The following PRUNE2 variants were observed in gnomAD, a reference collection of about 807,000 sequenced individuals.
The protein encoded by PRUNE2 is prune homolog 2 with BCH domain, also known as protein prune homolog 2.
In PRUNE2, 164 loss-of-function variants were observed where a neutral mutation model predicts 252.0. The ratio of observed to expected loss-of-function variants is 0.65; its 90% CI spans 0.57 to 0.74. The LOEUF (loss-of-function observed/expected upper bound fraction) is 0.74. PRUNE2 is among the 30% of genes least tolerant of loss of function. The pLI is 0.00. For missense variants in PRUNE2, 3,495 were observed against 3,711.0 expected (o/e 0.94, Z 1.51); for synonymous variants, 1,292 against 1,350.2 (o/e 0.96, Z 0.94).
chr9:76,696,791 C>T (rs1588655652), intron 9 of PRUNE2, among the ~76,000 whole-genome samples: 1 of 152,346 alleles, frequency 6.6e-6, no homozygotes, highest in East Asian at 1.9e-4. Flanking sequence ...GGAGTGCCTC[C>T]CGCTGGCCGT....
intron 1 of PRUNE2, among the ~76,000 whole-genome samples, chr9:76,875,258 C>A (rs2061415299): frequency 6.6e-6 from 1 of 152,226 alleles, no homozygotes; most frequent in Non-Finnish European, 1.5e-5. Context: ...ACCCATACCA[C>A]CTTCAATACT....
chr9:76,834,113 C>A (rs2058826796), intron 4 of PRUNE2, among the ~76,000 whole-genome samples: 1 of 151,936 alleles, frequency 6.6e-6, no homozygotes, highest in Non-Finnish European at 1.5e-5. Context: ...AAACCCCTGA[C>A]CTCAGGTGAT....
rs1304562671 is a variant in PRUNE2, at chr9:76,614,600, A to G, written c.9237T>C (p.Asp3079=). ...NDPEMSSMEK[D]IDLKLKEKP ...GCTTTTCTTTCAGCTTCAAGTCAAT[A>G]CTGCAAAGAAAAGAAAAAGAGAGAG... The change falls in exon 19 of 19, where the codon GAT becomes GAC. Residue 3079 remains aspartate, a splice_region_variant and synonymous_variant. Coordinates refer to ENST00000376718, the MANE Select transcript of PRUNE2 (RefSeq NM_015225.3). 1 of 1,610,386 alleles carries G rather than the reference A, an allele frequency of 6.2e-7. No homozygotes were observed. The highest frequency in any genetic ancestry group is 8.5e-7 in the Non-Finnish European group (1 of 1,177,512).
At chr9:76,747,097 T>G (rs2050192285) in intron 6 of PRUNE2, among the ~76,000 whole-genome samples, 1 of 152,174 alleles carries the variant, frequency 6.6e-6, no homozygotes, top group Non-Finnish European at 1.5e-5. Flanking sequence ...TTGAGGGATC[T>G]GCTGCTAACT....
In PRUNE2 at chr9:76,646,712, T is replaced by TTTGTATTCTGATGCTC. The variant is rs1349175773; in HGVS notation, c.8558-1819_8558-1804dup. Among the ~76,000 whole-genome samples the TTTGTATTCTGATGCTC allele has an allele frequency of 4.6e-5, 7 of 152,228 alleles. No individual in the cohort carries two copies. The East Asian group carries it at 1.4e-3, about 29-fold the overall frequency. The stretch of plus-strand genomic sequence containing the variant: ...CCAGAACTCTGGATTCTGAAGCAGG[T>TTTGTATTCTGATGCTC]TTGTATTCTGATGCTCTTGTACACA... On this transcript the variant is annotated intron_variant, in intron 11 of 18. Coordinates refer to ENST00000376718, the MANE Select transcript of PRUNE2 (RefSeq NM_015225.3).
chr9:76,859,547 C>T (rs1165001121), intron 1 of PRUNE2, among the ~76,000 whole-genome samples: 1 of 152,024 alleles, frequency 6.6e-6, no homozygotes, highest in Non-Finnish European at 1.5e-5. Context: ...TCTTCTTGCC[C>T]ACTGCCCAGA....
At chr9:76,882,703 G>C (rs975845661) in intron 1 of PRUNE2, among the ~76,000 whole-genome samples, 1 of 152,084 alleles carries the variant, frequency 6.6e-6, no homozygotes, top group African/African-American at 2.4e-5. Flanking sequence ...CCGTACCAGG[G>C]GATGGTACTA....
At chr9:76,637,164 T>C (rs584315) in intron 14 of PRUNE2, among the ~76,000 whole-genome samples, 129,209 of 152,138 alleles carry the variant, frequency 0.85, 55,154 homozygotes, top group African/African-American at 0.93. Context: ...AATAGAATGG[T>C]TGTGTTCTTA....
rs2046238469 is a variant in PRUNE2 at position 76,705,383 on chromosome 9, A to G, written c.6891T>C (p.Ala2297=). 4 of 1,614,030 alleles carry G rather than the reference A, an allele frequency of 2.5e-6. No individual in the cohort carries two copies. The highest frequency in any genetic ancestry group is 1.6e-4 in the Middle Eastern group (1 of 6,062). Residue 2297 remains alanine, a synonymous_variant, in exon 8 of 19, where the codon GCT becomes GCC. Transcript: ENST00000376718. ...CATCGCTGAAACTGTGGTCAAAGGC[A>G]GCTTCGCTTATATCCAGACAAGTGT... ...ASDTCLDISE[A]AFDHSFSDAS...
At chr9:76,833,888 T>TG (rs1193786946) in intron 4 of PRUNE2, among the ~76,000 whole-genome samples, 10 of 147,978 alleles carry the variant, frequency 6.8e-5, no homozygotes, top group South Asian at 2.2e-4. Flanking sequence ...GTTTTTTTGT[T>TG]TTTTTTTTTT....
chr9:76,857,095 T>A (rs1218218704), intron 1 of PRUNE2: 4 of 455,796 alleles, frequency 8.8e-6, no homozygotes, highest in Admixed American at 7.1e-5. Context: ...CTCTCCTCAC[T>A]TTCCTTCATC....
intron 2 of PRUNE2, among the ~76,000 whole-genome samples, chr9:76,853,129 CA>C (rs2060060360): frequency 6.6e-6 from 1 of 152,194 alleles, no homozygotes; most frequent in Non-Finnish European, 1.5e-5. Context: ...TAAAGTTCAA[CA>C]AATTTTAAGA....
At chr9:76,850,740 G>C (rs1022852718) in intron 2 of PRUNE2, 75 bp from the exon 3 acceptor site, 6 of 1,117,792 alleles carry the variant, frequency 5.4e-6, no homozygotes, top group Non-Finnish European at 8.1e-6. Context: ...CTCCAGCCTG[G>C]GGGTAACTGG....
In PRUNE2 at chr9:76,707,172, T is replaced by C. The variant is rs1385415814; in HGVS notation, c.5102A>G (p.Glu1701Gly). 1 of 1,613,996 alleles carries C rather than the reference T, an allele frequency of 6.2e-7. No homozygotes were observed. The highest frequency in any genetic ancestry group is 1.7e-5 in the Admixed American group (1 of 60,026). Reference protein sequence around the residue: ...SVGGEESIEEEIQVANCHVAE... With the variant: ...SVGGEESIEEGIQVANCHVAE... ...AACGTGGCAGTTGGCCACCTGGATC[T>C]CTTCCTCTATTGACTCTTCACCACC... The change falls in exon 8 of 19, where the codon GAG (glutamate) becomes GGG (glycine). Residue 1701 changes from glutamate to glycine, a missense_variant. Glu to Gly is a moderately conservative substitution (Grantham distance 98, BLOSUM62 -2). Coordinates refer to ENST00000376718, the MANE Select transcript of PRUNE2 (RefSeq NM_015225.3).
intron 6 of PRUNE2, among the ~76,000 whole-genome samples, chr9:76,731,600 T>C (rs962986620): frequency 3.3e-5 from 5 of 152,176 alleles, no homozygotes; most frequent in African/African-American, 9.7e-5. Flanking sequence ...AGTGCTGGGA[T>C]TGCAGACCAC....
Position 76,854,141 on chromosome 9 carries a change from A to T in PRUNE2, c.104T>A (p.Leu35His). The change falls in exon 2 of 19, where the codon CTC becomes CAC. Residue 35 changes from leucine to histidine, a missense_variant. Physicochemically the swap from Leu to His is moderately conservative, Grantham distance 99 (BLOSUM62 -3). Coordinates refer to ENST00000376718, the MANE Select transcript of PRUNE2 (RefSeq NM_015225.3). Reference sequence around the variant, plus strand: ...GTAAGCATATGTGAAGGTAGAAATGAGAGAATCCAAGTCACACGATTTAGG... The same window carrying T: ...GTAAGCATATGTGAAGGTAGAAATGTGAGAATCCAAGTCACACGATTTAGG... ...IGPKSCDLDS[L>H]ISTFTYAYFL... 6.2e-7 allele frequency: 1 copy of T among 1,602,124 alleles called. No individual in the cohort carries two copies. The highest frequency in any genetic ancestry group is 1.1e-5 in the South Asian group (1 of 89,324).
intron 6 of PRUNE2, among the ~76,000 whole-genome samples, chr9:76,792,756 A>G (rs2055678737): frequency 6.6e-6 from 1 of 152,134 alleles, no homozygotes; most frequent in South Asian, 2.1e-4. Context: ...ATTTGTAAAG[A>G]TTCTTCATAA....
At chr9:76,746,313 C>T (rs1332205681) in intron 6 of PRUNE2, among the ~76,000 whole-genome samples, 9 of 152,162 alleles carry the variant, frequency 5.9e-5, no homozygotes, top group Admixed American at 5.9e-4. Flanking sequence ...CAGCCTCACC[C>T]CCCAACCTCG....
rs112987798 is a variant in PRUNE2, at chr9:76,694,180, G to GT, written c.8276+9156dup. Among the ~76,000 whole-genome samples the GT allele has an allele frequency of 7.1e-3, 1,051 of 148,218 alleles. 9 individuals are homozygous for GT. The highest frequency in any genetic ancestry group is 0.02 in the African/African-American group (811 of 40,562). On this transcript the variant is annotated intron_variant, in intron 9 of 18. Coordinates refer to ENST00000376718, the MANE Select transcript of PRUNE2 (RefSeq NM_015225.3). Reference sequence around the variant, plus strand: ...AATTCTGTTTTATTTGTTTTGTTTCGTTTTTTTTTTGAGACGGAGCCTAGC... The same window carrying GT: ...AATTCTGTTTTATTTGTTTTGTTTCGTTTTTTTTTTTGAGACGGAGCCTAGC...
Sources: allele counts gnomAD v4.1 joint callset (sites outside exome capture counted in the v4.1 genomes callset), GRCh38; gene constraint gnomAD v4.1.1; transcripts MANE v1.5; gene names NCBI Gene and HGNC (gene_info 2026-07-23, HGNC 2026-07-21).